ARHGAP32: variants seen among roughly 807,000 people sequenced by gnomAD.
ARHGAP32 encodes the protein Rho GTPase activating protein 32.
Under a neutral mutation model 186.5 loss-of-function variants are expected in ARHGAP32, and 51 were observed. The ratio of observed to expected loss-of-function variants is 0.27; its 90% CI spans 0.22 to 0.35. The LOEUF (loss-of-function observed/expected upper bound fraction) is 0.35, where lower values mean the gene tolerates loss of function less well. ARHGAP32 is among the 10% of genes least tolerant of loss of function. ARHGAP32 has a pLI of 1.00. For synonymous variants in ARHGAP32, 950 were observed against 964.3 expected, an observed-to-expected ratio of 0.99 and a Z score of 0.27; for missense variants, 2,186 against 2,623.5, an observed-to-expected ratio of 0.83 and a Z score of 3.64.
At chr11:129,014,849 T>C (rs1938253917) in intron 11 of ARHGAP32, among the ~76,000 whole-genome samples, 1 of 152,220 alleles carries the variant, frequency 6.6e-6, no homozygotes, top group African/African-American at 2.4e-5. Context: ...ACATAATGTT[T>C]AAGGTTCTCT....
intron 10 of ARHGAP32, among the ~76,000 whole-genome samples, chr11:129,061,162 T>C (rs993253298): frequency 3.9e-5 from 6 of 152,194 alleles, no homozygotes; most frequent in African/African-American, 1.4e-4. Context: ...TCTAACAATA[T>C]AGCAGGAGCA....
chr11:128,991,985 T>C (rs1310228715), intron 12 of ARHGAP32, among the ~76,000 whole-genome samples: 1 of 152,158 alleles, frequency 6.6e-6, no homozygotes, highest in Non-Finnish European at 1.5e-5. Flanking sequence ...CCAGGCATCA[T>C]GAAAGCATTA....
chr11:129,141,956 T>A (rs924291075), intron 2 of ARHGAP32, among the ~76,000 whole-genome samples: 27 of 152,110 alleles, frequency 1.8e-4, no homozygotes, highest in African/African-American at 6.3e-4. Flanking sequence ...AAACAACCTG[T>A]CATAAATCAA....
chr11:129,265,225 T>C (rs1487494778), intron 1 of ARHGAP32, among the ~76,000 whole-genome samples: 1 of 152,144 alleles, frequency 6.6e-6, no homozygotes, highest in Non-Finnish European at 1.5e-5. Context: ...CTAGTACCTA[T>C]CATCACGGTA....
intron 5 of ARHGAP32, among the ~76,000 whole-genome samples, chr11:129,103,182 A>C (rs1941949941): frequency 1.3e-5 from 2 of 152,206 alleles, no homozygotes; most frequent in African/African-American, 4.8e-5. Context: ...TGTGGTACTT[A>C]CAGCAGTCAA....
At chr11:129,044,584 T>C (rs1939733429) in intron 10 of ARHGAP32, among the ~76,000 whole-genome samples, 1 of 152,188 alleles carries the variant, frequency 6.6e-6, no homozygotes, top group Non-Finnish European at 1.5e-5. Context: ...AGCTCCTCCA[T>C]CAAATGGATA....
chr11:129,016,335 T>C (rs773170171), intron 11 of ARHGAP32, among the ~76,000 whole-genome samples: 4 of 152,216 alleles, frequency 2.6e-5, no homozygotes, highest in Non-Finnish European at 5.9e-5. Flanking sequence ...CACAAATTTT[T>C]AAATGTCTTT....
At chr11:128,975,214 T>C (rs1945507906) in intron 20 of ARHGAP32, among the ~76,000 whole-genome samples, 2 of 152,214 alleles carry the variant, frequency 1.3e-5, no homozygotes, top group African/African-American at 2.4e-5. Flanking sequence ...AAACATGTGA[T>C]AGAATCAGAG....
intron 6 of ARHGAP32, among the ~76,000 whole-genome samples, chr11:129,082,547 T>C (rs575422726): frequency 1.2e-4 from 18 of 152,176 alleles, no homozygotes; most frequent in African/African-American, 3.6e-4. Flanking sequence ...GCAAGTCACA[T>C]GTAGAAGAAT....
At chr11:128,982,514 C>T (rs562615758) in intron 15 of ARHGAP32, among the ~76,000 whole-genome samples, 73 of 124,392 alleles carry the variant, frequency 5.9e-4, no homozygotes, top group Middle Eastern at 4.6e-3. Context: ...TGTGTCTGTG[C>T]GCATGCACAC....
intron 1 of ARHGAP32, among the ~76,000 whole-genome samples, chr11:129,215,513 T>A (rs1347121412): frequency 6.6e-6 from 1 of 152,146 alleles, no homozygotes; most frequent in African/African-American, 2.4e-5. Flanking sequence ...AACATCAAGG[T>A]TTCAGCAGGG....
At chr11:129,200,097 C>T (rs965272210) in intron 1 of ARHGAP32, among the ~76,000 whole-genome samples, 3 of 152,118 alleles carry the variant, frequency 2.0e-5, no homozygotes, top group African/African-American at 7.2e-5. Context: ...TTACCCAATG[C>T]CTGTACCCCC....
intron 5 of ARHGAP32, among the ~76,000 whole-genome samples, chr11:129,121,032 C>A (rs1016036644): frequency 4.6e-5 from 7 of 151,942 alleles, no homozygotes; most frequent in African/African-American, 1.7e-4. Flanking sequence ...CCCATAAACA[C>A]GTTTAGAATC....
chr11:128,982,066 CT>C (rs1235771139), intron 15 of ARHGAP32, 130 bp from the exon 16 acceptor site: 18 of 526,444 alleles, frequency 3.4e-5, no homozygotes, highest in South Asian at 1.4e-4. Context: ...CCCAAGAGAA[CT>C]TTTTTTTCCT....
rs60437783 is a variant in ARHGAP32 at position 129,208,667 on chromosome 11, C to CTT, written c.-4-44242_-4-44241dup. Among the ~76,000 whole-genome samples, 619 of 142,826 alleles carry CTT rather than the reference C, an allele frequency of 4.3e-3. 4 individuals are homozygous for CTT. The highest frequency in any genetic ancestry group is 0.018 in the Middle Eastern group (5 of 272). 93.7% of individuals were successfully genotyped at this position (142,826 alleles called of 152,430 possible). A position where few individuals can be genotyped will look rare whatever the true frequency, so the allele number is the denominator to read the frequency against. On this transcript the variant is annotated intron_variant, in intron 1 of 6. Coordinates refer to the ARHGAP32 transcript ENST00000525234. ...ACCATCCATTCTGTCATTTTCTTTT[C>CTT]TTTTTTTTTTTTTTGAGACAGAGTC... is the stretch of plus-strand genomic sequence containing the variant.
intron 1 of ARHGAP32, among the ~76,000 whole-genome samples, chr11:129,190,863 C>T (rs1263907505): frequency 6.6e-6 from 1 of 152,110 alleles, no homozygotes; most frequent in Non-Finnish European, 1.5e-5. Flanking sequence ...AAGGGACTTA[C>T]TCAAATTTGA....
chr11:129,087,199 TA>T (rs1565415758), intron 6 of ARHGAP32, among the ~76,000 whole-genome samples: 1 of 152,194 alleles, frequency 6.6e-6, no homozygotes, highest in Non-Finnish European at 1.5e-5. Context: ...CTTATAAAAC[TA>T]AAAACACTTT....
rs1423601847 is a variant in ARHGAP32 at position 129,086,544 on chromosome 11, G to A, written c.531+7077C>T. 3.3e-5 allele frequency among the ~76,000 whole-genome samples: 5 copies of A among 152,014 alleles called. No individual in the cohort carries two copies. The East Asian group carries it at 5.8e-4, about 18-fold the overall frequency. ...ATTTGCAAAAGACACACTGATGGCC[G>A]GGCATGGTGGCTCACGCCTGTAATC... is the stretch of plus-strand genomic sequence containing the variant. On this transcript the variant is annotated intron_variant, in intron 6 of 22. Coordinates refer to ENST00000682385, the MANE Select transcript of ARHGAP32 (RefSeq NM_001378024.1).
intron 6 of ARHGAP32, among the ~76,000 whole-genome samples, chr11:129,086,550 G>A (rs1784018): frequency 3.3e-5 from 5 of 151,730 alleles, no homozygotes; most frequent in East Asian, 1.9e-4. Context: ...GGCCGGGCAT[G>A]GTGGCTCACG....
Sources: gnomAD v4.1 joint callset for allele counts (sites outside exome capture counted in the v4.1 genomes callset) on GRCh38, gnomAD v4.1.1 for gene constraint, MANE v1.5 for transcripts, NCBI Gene and HGNC (gene_info 2026-07-23, HGNC 2026-07-21) for gene names.